Variants in ANO1 observed in about 807,000 individuals in gnomAD.
ANO1 encodes the protein anoctamin 1, also known as anoctamin-1.
Under a neutral mutation model 124.0 loss-of-function variants are expected in ANO1, and 59 were observed. The observed-to-expected ratio is 0.48, with a 90% CI of 0.39 to 0.59. The LOEUF (loss-of-function observed/expected upper bound fraction) is 0.59. Ranked by LOEUF, ANO1 falls within the 20% of genes least tolerant of loss-of-function variation. The pLI is 0.00. For synonymous variants in ANO1, 529 were observed against 532.0 expected (o/e 0.99, Z 0.08); for missense variants, 1,059 against 1,328.0 (o/e 0.80, Z 3.15).
intron 1 of ANO1, among the ~76,000 whole-genome samples, chr11:70,037,401 T>C (rs1857113217): frequency 6.6e-6 from 1 of 151,948 alleles, no homozygotes; most frequent in African/African-American, 2.4e-5. Context: ...TGATTACAAA[T>C]GGGGCTATGG....
chr11:70,088,130 T>A (rs1590693994), intron 2 of ANO1, 46 bp downstream of exon 2: 1 of 37,980 alleles, frequency 2.6e-5, no homozygotes, highest in Non-Finnish European at 5.8e-5. Context: ...GGGGGTGGGC[T>A]GCGTGGGGGG....
intron 1 of ANO1, among the ~76,000 whole-genome samples, chr11:70,030,684 C>T (rs982412570): frequency 2.0e-5 from 3 of 152,112 alleles, no homozygotes; most frequent in South Asian, 4.1e-4. Context: ...AGGACCCACC[C>T]GAATAATCTC....
chr11:70,123,310 TGGGTGG>T (rs2046369995), intron 8 of ANO1, among the ~76,000 whole-genome samples: 2 of 152,198 alleles, frequency 1.3e-5, no homozygotes, highest in South Asian at 4.1e-4. Context: ...CCTGTGAGTT[TGGGTGG>T]GGGCAGCCGT....
chr11:70,180,140 C>A, intron 23 of ANO1, 84 bp downstream of exon 23: 1 of 1,280,332 alleles, frequency 7.8e-7, no homozygotes, highest in Non-Finnish European at 1.1e-6. Flanking sequence ...AGGAGCTGGG[C>A]ATGGGTCTTC....
chr11:70,112,779 G>A (rs2045838095), intron 7 of ANO1, among the ~76,000 whole-genome samples: 2 of 152,048 alleles, frequency 1.3e-5, no homozygotes, highest in Admixed American at 6.6e-5. Flanking sequence ...GGCTGGTCTC[G>A]AACTCCTGAC....
At chr11:70,038,791 C>T (rs1257360189) in intron 1 of ANO1, among the ~76,000 whole-genome samples, 1 of 152,166 alleles carries the variant, frequency 6.6e-6, no homozygotes, top group Non-Finnish European at 1.5e-5. Flanking sequence ...GTAGGAAAAA[C>T]CTCAGAGGAG....
chr11:70,159,846 A>T (rs999291251), intron 16 of ANO1, among the ~76,000 whole-genome samples: 1 of 152,194 alleles, frequency 6.6e-6, no homozygotes, highest in Admixed American at 6.5e-5. Context: ...TGTTCCCCGG[A>T]GCTGGCCAGG....
intron 2 of ANO1, among the ~76,000 whole-genome samples, chr11:70,089,041 G>A (rs1036107229): frequency 4.6e-5 from 7 of 152,278 alleles, no homozygotes; most frequent in African/African-American, 7.2e-5. Flanking sequence ...CTAGCACAGC[G>A]GTGCTTCCTT....
chr11:70,101,013 A>T (rs2045248255), intron 2 of ANO1, among the ~76,000 whole-genome samples: 1 of 152,086 alleles, frequency 6.6e-6, no homozygotes, highest in African/African-American at 2.4e-5. Flanking sequence ...CATCAGCATA[A>T]GCGACCACGG....
intron 11 of ANO1, among the ~76,000 whole-genome samples, chr11:70,144,354 G>A (rs2047272278): frequency 6.6e-6 from 1 of 151,652 alleles, no homozygotes; most frequent in South Asian, 2.1e-4. Flanking sequence ...TGATATGCGG[G>A]CCCTGCCCTG....
intron 1 of ANO1, among the ~76,000 whole-genome samples, chr11:70,036,121 A>G (rs193268791): frequency 6.6e-5 from 10 of 152,292 alleles, no homozygotes; most frequent in Middle Eastern, 3.4e-3. Flanking sequence ...TTCCCTCACC[A>G]TTAGGAGGCC....
At chr11:70,007,795 T>C (rs1856521954) in intron 1 of ANO1, among the ~76,000 whole-genome samples, 1 of 152,184 alleles carries the variant, frequency 6.6e-6, no homozygotes, top group African/African-American at 2.4e-5. Flanking sequence ...CTGGATCAAT[T>C]TTTCATTTTT....
At chr11:70,117,084 TTTTC>T (rs1222575426) in intron 8 of ANO1, among the ~76,000 whole-genome samples, 19 of 146,020 alleles carry the variant, frequency 1.3e-4, no homozygotes, top group Admixed American at 1.3e-3. Flanking sequence ...CTTTATTCTT[TTTTC>T]TTTGTTTCTT....
chr11:70,108,331 C>A, intron 5 of ANO1, 22 bp from the exon 6 acceptor site: 1 of 1,604,032 alleles, frequency 6.2e-7, no homozygotes, highest in South Asian at 1.1e-5. Flanking sequence ...ACTGCTCACC[C>A]CCCTTCTTGT....
chr11:69,993,022 C>T (rs1475364834), intron 1 of ANO1, among the ~76,000 whole-genome samples: 1 of 152,170 alleles, frequency 6.6e-6, no homozygotes, highest in African/African-American at 2.4e-5. Context: ...CATGGCAGCT[C>T]ATGGGGACAT....
intron 1 of ANO1, among the ~76,000 whole-genome samples, chr11:70,013,467 C>T (rs187716507): frequency 1.3e-5 from 2 of 152,074 alleles, no homozygotes; most frequent in South Asian, 2.1e-4. Context: ...TATTGGTCAT[C>T]GAGGGCTGCC....
intron 1 of ANO1, among the ~76,000 whole-genome samples, chr11:70,032,325 G>C (rs1436953614): frequency 6.6e-6 from 1 of 152,172 alleles, no homozygotes; most frequent in African/African-American, 2.4e-5. Context: ...GACCAGAAAA[G>C]AGACCCCAGT....
Position 70,126,101 on chromosome 11 carries a change from C to A in ANO1, c.1003C>A (p.Leu335Met). The A allele has an allele frequency of 1.2e-6, 2 of 1,613,140 alleles. No homozygotes were observed. Among genetic ancestry groups the A allele is most frequent in the Non-Finnish European group, 1.7e-6 (2 of 1,179,490 alleles). ...GAAGATCGGCCTGTACTTCGCCTGG[C>A]TGGGCGTGTACACCCAGATGCTCAT... ...GEKIGLYFAW[L>M]GVYTQMLIPA... The change falls in exon 10 of 26, where the codon CTG becomes ATG. Residue 335 changes from leucine to methionine, a missense_variant. Coordinates refer to ENST00000355303, the MANE Select transcript of ANO1 (RefSeq NM_018043.7).
intron 1 of ANO1, among the ~76,000 whole-genome samples, chr11:70,004,153 C>A (rs552415627): frequency 3.9e-5 from 6 of 152,320 alleles, no homozygotes; most frequent in Non-Finnish European, 8.8e-5. Flanking sequence ...CACCACCCTG[C>A]ACCCCACCTG....
Sources: allele counts gnomAD v4.1 joint callset (sites outside exome capture counted in the v4.1 genomes callset), GRCh38; gene constraint gnomAD v4.1.1; transcripts MANE v1.5; gene names NCBI Gene and HGNC (gene_info 2026-07-23, HGNC 2026-07-21).